COBL: variants seen among roughly 807,000 people sequenced by gnomAD.
The protein encoded by COBL is cordon-bleu WH2 repeat protein, also known as protein cordon-bleu.
A neutral mutation model predicts 98.8 loss-of-function variants in COBL; 51 were observed. That is an observed-to-expected ratio of 0.52 (90% CI 0.41 to 0.65). The LOEUF (loss-of-function observed/expected upper bound fraction) is 0.65. Among genes scored for constraint, COBL ranks in the 30% least tolerant of loss-of-function variants. COBL has a pLI of 0.00. For synonymous variants in COBL, 634 were observed against 651.7 expected (o/e 0.97, Z 0.41); for missense variants, 1,617 against 1,617.5 (o/e 1.00, Z 0.01).
chr7:51,272,237 T>C (rs1012533708), intron 1 of COBL, among the ~76,000 whole-genome samples: 1 of 152,212 alleles, frequency 6.6e-6, no homozygotes, highest in South Asian at 2.1e-4. Context: ...CCGCTCCCTG[T>C]TGTTTCATAC....
chr7:51,045,177 C>CA (rs1789573472), intron 7 of COBL, among the ~76,000 whole-genome samples: 1 of 152,134 alleles, frequency 6.6e-6, no homozygotes. Context: ...CATCACTGAA[C>CA]AATAAAACCA....
In COBL at chr7:51,018,962, T is replaced by G. The variant is rs1407574460; in HGVS notation, c.3769-1394A>C. The stretch of plus-strand genomic sequence containing the variant: ...TATATATATATATATATGATTTTTT[T>G]TGCAATTTTTTTTAAGCTCACCAGC... On this transcript the variant is annotated intron_variant, in intron 12 of 12. Transcript: ENST00000265136. Among the ~76,000 whole-genome samples, 3 of 134,704 alleles carry G rather than the reference T, an allele frequency of 2.2e-5. No homozygotes were observed. In the East Asian group the frequency reaches 6.5e-4, roughly 29 times the overall value. 88.4% of individuals were successfully genotyped at this position (134,704 alleles called of 152,430 possible). A position where few individuals can be genotyped will look rare whatever the true frequency, so the allele number is the denominator to read the frequency against.
At chr7:51,037,252 C>T (rs746352865) in intron 8 of COBL, among the ~76,000 whole-genome samples, 15 of 152,168 alleles carry the variant, frequency 9.9e-5, no homozygotes, top group Non-Finnish European at 1.8e-4. Context: ...CATAACAATA[C>T]CAGCAACAAT....
intron 7 of COBL, among the ~76,000 whole-genome samples, chr7:51,067,140 T>A (rs1792014652): frequency 6.6e-6 from 1 of 152,160 alleles, no homozygotes; most frequent in African/African-American, 2.4e-5. Context: ...TGGGGAAGCA[T>A]ACTGGCAGCA....
intron 6 of COBL, among the ~76,000 whole-genome samples, chr7:51,128,903 C>A (rs79636280): frequency 6.6e-6 from 1 of 152,330 alleles, no homozygotes; most frequent in Admixed American, 6.5e-5. Flanking sequence ...TGTGCCCAGA[C>A]AGACTGTCCC....
At chr7:51,054,920 G>A (rs919419904) in intron 7 of COBL, among the ~76,000 whole-genome samples, 2 of 152,278 alleles carry the variant, frequency 1.3e-5, no homozygotes, top group South Asian at 2.1e-4. Context: ...AGCCTTCCTC[G>A]TTTCAGCAGA....
At chr7:51,269,075 GCCAC>G (rs1563108878) in intron 1 of COBL, among the ~76,000 whole-genome samples, 2 of 152,040 alleles carry the variant, frequency 1.3e-5, no homozygotes, top group Non-Finnish European at 2.9e-5. Flanking sequence ...CCAGCACCCA[GCCAC>G]CCGCTGCAGC....
At chr7:51,179,882 A>C (rs978821008) in intron 5 of COBL, among the ~76,000 whole-genome samples, 8 of 152,220 alleles carry the variant, frequency 5.3e-5, no homozygotes, top group African/African-American at 1.9e-4. Context: ...CAGAGCACTG[A>C]AATGATTTTT....
intron 8 of COBL, among the ~76,000 whole-genome samples, chr7:51,038,989 C>T (rs1331994744): frequency 7.4e-6 from 1 of 134,866 alleles, no homozygotes; most frequent in Non-Finnish European, 1.5e-5. Flanking sequence ...GTTGTGGAAA[C>T]CAGGTATAGG....
intron 5 of COBL, among the ~76,000 whole-genome samples, chr7:51,145,200 G>A (rs545843840): frequency 6.6e-6 from 1 of 151,994 alleles, no homozygotes; most frequent in Admixed American, 6.5e-5. Context: ...ATTTTCAGTA[G>A]AGACAGGGTT....
At chr7:51,156,111 TAA>T (rs1786103549) in intron 5 of COBL, 1 of 969,620 alleles carries the variant, frequency 1.0e-6, no homozygotes, top group Admixed American at 6.2e-5. Context: ...TTCATTGTGC[TAA>T]AAGAAAACAA....
intron 7 of COBL, among the ~76,000 whole-genome samples, chr7:51,060,494 T>C (rs1791221224): frequency 6.6e-6 from 1 of 151,896 alleles, no homozygotes. Flanking sequence ...AACAGTAGAG[T>C]GGCCTTTTGA....
chr7:51,087,161 C>A (rs186982031), intron 6 of COBL, among the ~76,000 whole-genome samples: 138 of 151,546 alleles, frequency 9.1e-4, no homozygotes, highest in Non-Finnish European at 9.4e-4. Context: ...CACACACACA[C>A]GCACAGACTC....
Position 51,121,329 on chromosome 7 carries a change from T to C in COBL, c.957+14829A>G, listed in dbSNP as rs1049467261. On this transcript the variant is annotated intron_variant, in intron 6 of 12. Coordinates refer to ENST00000265136, the MANE Select transcript of COBL (RefSeq NM_015198.5). ...GACTTGTATATTTTCTTTGGAGAAA[T>C]GTCTATTTAAGCCCTTTGCTCATTT... Among the ~76,000 whole-genome samples the C allele has an allele frequency of 5.3e-5, 8 of 152,348 alleles. No individual in the cohort carries two copies. In the South Asian group the frequency reaches 1.2e-3, roughly 24 times the overall value.
At chr7:51,243,147 G>A (rs1205630697) in intron 1 of COBL, among the ~76,000 whole-genome samples, 2 of 152,232 alleles carry the variant, frequency 1.3e-5, no homozygotes, top group Non-Finnish European at 2.9e-5. Flanking sequence ...ATGAACTGAT[G>A]TAAGAGAACA....
chr7:51,050,174 A>T (rs556189013), intron 7 of COBL, among the ~76,000 whole-genome samples: 5 of 152,334 alleles, frequency 3.3e-5, no homozygotes, highest in Admixed American at 1.3e-4. Context: ...CAAGATAATG[A>T]AGGACTGAAA....
At chr7:51,081,838 G>A (rs1041132139) in intron 7 of COBL, among the ~76,000 whole-genome samples, 3 of 152,026 alleles carry the variant, frequency 2.0e-5, no homozygotes, top group African/African-American at 7.2e-5. Flanking sequence ...TTGGTGTGTG[G>A]GGCTTAAAAC....
At chr7:51,188,747 G>C (rs977108595) in intron 4 of COBL, among the ~76,000 whole-genome samples, 2 of 152,198 alleles carry the variant, frequency 1.3e-5, no homozygotes, top group Non-Finnish European at 2.9e-5. Context: ...ATGAGGATCA[G>C]AAGAGATGCT....
intron 6 of COBL, among the ~76,000 whole-genome samples, chr7:51,113,535 G>A (rs1427961133): frequency 6.6e-6 from 1 of 152,128 alleles, no homozygotes; most frequent in African/African-American, 2.4e-5. Flanking sequence ...AATTACTAAA[G>A]TGGTTCCTTA....
Sources: allele counts gnomAD v4.1 joint callset (sites outside exome capture counted in the v4.1 genomes callset), GRCh38; gene constraint gnomAD v4.1.1; transcripts MANE v1.5; gene names NCBI Gene and HGNC (gene_info 2026-07-23, HGNC 2026-07-21).